TRDMT1: variants seen among roughly 807,000 people sequenced by gnomAD.
TRDMT1 encodes tRNA aspartic acid methyltransferase 1.
A neutral mutation model predicts 51.2 loss-of-function variants in TRDMT1; 49 were observed. The observed-to-expected ratio is 0.96, with a 90% CI of 0.76 to 1.21. The LOEUF (loss-of-function observed/expected upper bound fraction) is 1.21. TRDMT1 is among the 50% of genes most tolerant of loss of function. The probability of loss-of-function intolerance (pLI) is 0.00; values close to 1 mark genes in which losing one functional copy is unlikely to be tolerated. For synonymous variants in TRDMT1, 187 were observed against 164.6 expected (o/e 1.14, Z -1.04); for missense variants, 534 against 462.3 (o/e 1.16, Z -1.42).
intron 1 of TRDMT1, among the ~76,000 whole-genome samples, chr10:17,194,874 A>C (rs2131619450): frequency 7.2e-6 from 1 of 139,156 alleles, no homozygotes; most frequent in South Asian, 2.4e-4. Flanking sequence ...CAGAGGTTGC[A>C]GTGAGCCAAG....
intron 1 of TRDMT1, among the ~76,000 whole-genome samples, chr10:17,194,948 T>TAAAA (rs1845192546): frequency 2.3e-5 from 1 of 43,782 alleles, no homozygotes. Context: ...AAAAAAAAAG[T>TAAAA]CAAAAAAAAA....
In TRDMT1 at chr10:17,137,859, C is replaced by G. The variant is rs368792205; in HGVS notation, c.*11181G>C. ...AAAAGAAAAAAAAAAAAAGGTTGTTCCACTTGTCCAGCAGGGTGACCTTGA... is the reference window on the plus strand; with the variant it reads ...AAAAGAAAAAAAAAAAAAGGTTGTTGCACTTGTCCAGCAGGGTGACCTTGA... On this transcript the variant is annotated 3_prime_UTR_variant, in exon 11 of 11. Transcript: ENST00000377799. 7.3e-5 allele frequency among the ~76,000 whole-genome samples: 11 copies of G among 151,254 alleles called. No individual in the cohort carries two copies. Among genetic ancestry groups the G allele is most frequent in the African/African-American group, 2.7e-4 (11 of 41,036 alleles).
At chr10:17,183,079 G>A (rs1057018887) in intron 1 of TRDMT1, among the ~76,000 whole-genome samples, 8 of 152,068 alleles carry the variant, frequency 5.3e-5, no homozygotes, top group African/African-American at 9.7e-5. Flanking sequence ...GGAAATGTTC[G>A]CTAAGGAAAA....
rs558472497 is a variant in TRDMT1, at chr10:17,176,608, T to A, written c.65-1948A>T. ...ATAAAATTAGGACCTACTGCATAAC[T>A]TAAAAAGTTATTTCTATTAAGAGAA... On this transcript the variant is annotated intron_variant, in intron 1 of 10. Transcript: ENST00000377799. 9.8e-5 allele frequency among the ~76,000 whole-genome samples: 15 copies of A among 152,302 alleles called. No individual in the cohort carries two copies. The East Asian group carries it at 2.9e-3, about 29-fold the overall frequency.
rs976707493 is a variant in TRDMT1 at position 17,148,582 on chromosome 10, A to G, written c.*458T>C. 1.0e-6 allele frequency: 1 copy of G among 976,666 alleles called. No homozygotes were observed. Among genetic ancestry groups the G allele is most frequent in the African/African-American group, 1.7e-5 (1 of 57,170 alleles). The allele number at this position is 976,666 out of a possible 1,614,324, so 60.5% of individuals were successfully genotyped here. A position where few individuals can be genotyped will look rare whatever the true frequency, so the allele number is the denominator to read the frequency against. ...ATGCATTTGTTTAGATGAAATAAAG[A>G]AATATTTACAGGATTGGAAATTAAG... On this transcript the variant is annotated 3_prime_UTR_variant, in exon 11 of 11. Coordinates refer to ENST00000377799, the MANE Select transcript of TRDMT1 (RefSeq NM_004412.7).
intron 2 of TRDMT1, chr10:17,169,524 C>T (rs1340861076): frequency 7.8e-7 from 1 of 1,289,768 alleles, no homozygotes; most frequent in Non-Finnish European, 1.0e-6. Context: ...GAAAACTGTG[C>T]TGTGTTGCTC....
chr10:17,198,266 T>C (rs1172876862), intron 1 of TRDMT1, among the ~76,000 whole-genome samples: 1 of 152,216 alleles, frequency 6.6e-6, no homozygotes, highest in African/African-American at 2.4e-5. Context: ...AGTTACACAG[T>C]ATTATCATAT....
intron 10 of TRDMT1, chr10:17,151,006 CAT>C (rs1838632627): frequency 1.0e-6 from 1 of 981,122 alleles, no homozygotes; most frequent in Admixed American, 6.2e-5. Context: ...TGTGTGTGTG[CAT>C]GTGTGTGTGT....
At chr10:17,157,407 T>C (rs768681292) in intron 8 of TRDMT1, 34 bp downstream of exon 8, 4 of 1,486,296 alleles carry the variant, frequency 2.7e-6, no homozygotes, top group Admixed American at 4.7e-5. Context: ...CCTGGTTATT[T>C]TGGATACAGG....
At chr10:17,159,821 A>C (rs941521895) in intron 6 of TRDMT1, among the ~76,000 whole-genome samples, 1 of 152,192 alleles carries the variant, frequency 6.6e-6, no homozygotes, top group Non-Finnish European at 1.5e-5. Context: ...CAAAATTCAA[A>C]TCTGTCAAAT....
intron 8 of TRDMT1, among the ~76,000 whole-genome samples, chr10:17,155,236 A>C (rs1008612989): frequency 4.6e-5 from 7 of 152,122 alleles, no homozygotes; most frequent in Admixed American, 6.5e-5. Flanking sequence ...ATAAATAATA[A>C]ATGTCTCAGA....
Position 17,159,139 on chromosome 10 carries a change from A to G in TRDMT1, c.543+7T>C, listed in dbSNP as rs778672796. Reference sequence around the variant, plus strand: ...TAATATTCATAATAAAATTCCAATAATAATACCTGACCAGGGGCTTGAAAG... The same window carrying G: ...TAATATTCATAATAAAATTCCAATAGTAATACCTGACCAGGGGCTTGAAAG... On this transcript the variant is annotated splice_region_variant and intron_variant, in intron 7 of 10. Coordinates refer to ENST00000377799, the MANE Select transcript of TRDMT1 (RefSeq NM_004412.7). 2 of 1,557,940 alleles carry G rather than the reference A, an allele frequency of 1.3e-6. No homozygotes were observed. Among genetic ancestry groups the G allele is most frequent in the South Asian group, 1.2e-5 (1 of 81,876 alleles).
At chr10:17,161,649 T>C in intron 4 of TRDMT1, 101 bp from the exon 5 acceptor site, 1 of 685,944 alleles carries the variant, frequency 1.5e-6, no homozygotes, top group East Asian at 3.7e-5. Context: ...AGTAATTTTC[T>C]GAACTCTTTT....
At chr10:17,173,793 G>C (rs188797142) in intron 2 of TRDMT1, among the ~76,000 whole-genome samples, 123 of 61,604 alleles carry the variant, frequency 2.0e-3, no homozygotes, top group Admixed American at 9.2e-3. Context: ...TTTTTTTTTT[G>C]AGACAAAGTC....
chr10:17,192,405 G>C (rs374843860), intron 1 of TRDMT1, among the ~76,000 whole-genome samples: 11 of 152,168 alleles, frequency 7.2e-5, no homozygotes, highest in African/African-American at 2.7e-4. Flanking sequence ...TTACAGAGAA[G>C]CTTATTTCAA....
At chr10:17,160,028 CTT>C (rs975341199) in intron 6 of TRDMT1, among the ~76,000 whole-genome samples, 7 of 152,066 alleles carry the variant, frequency 4.6e-5, no homozygotes, top group African/African-American at 9.7e-5. Context: ...AAATACCAAA[CTT>C]GACGTATTTT....
chr10:17,155,927 A>G (rs1170976307), intron 8 of TRDMT1, among the ~76,000 whole-genome samples: 4 of 152,186 alleles, frequency 2.6e-5, no homozygotes, highest in African/African-American at 7.2e-5. Context: ...TTTTATTACA[A>G]AATTGCTAAG....
Position 17,159,151 on chromosome 10 carries a change from C to T in TRDMT1, c.538G>A (p.Gly180Ser). ...TAAAATTCCAATAATAATACCTGAC[C>T]AGGGGCTTGAAAGGGTAATGGCTCT... The part of the protein sequence containing the change: ...QSEPLPFQAP[G>S]QVLMEFPKIE... The change falls in exon 7 of 11, where the codon GGT becomes AGT. Residue 180 changes from glycine to serine, a missense_variant. Transcript: ENST00000377799. The T allele has an allele frequency of 6.3e-7, 1 of 1,585,866 alleles. No individual in the cohort carries two copies. Among genetic ancestry groups the T allele is most frequent in the Non-Finnish European group, 8.6e-7 (1 of 1,166,878 alleles).
At position 17,147,887 on chromosome 10, in the gene TRDMT1, CATAGCGTTTTCCA is replaced by C; in HGVS notation, c.*1140_*1152del. 1.6e-6 allele frequency: 1 copy of C among 623,392 alleles called. No homozygotes were observed. The highest frequency in any genetic ancestry group is 2.0e-6 in the Non-Finnish European group (1 of 499,524). The allele number at this position is 623,392 out of a possible 1,614,324, so 38.6% of individuals were successfully genotyped here. A position where few individuals can be genotyped will look rare whatever the true frequency, so the allele number is the denominator to read the frequency against. On this transcript the variant is annotated 3_prime_UTR_variant, in exon 11 of 11. Transcript: ENST00000377799. Reference sequence around the variant, plus strand: ...TATGTTGAATTTTGTGACGAACCTCCATAGCGTTTTCCAACAGCAGCTGAACCATTTTACGTTC... The same window carrying C: ...TATGTTGAATTTTGTGACGAACCTCCACAGCAGCTGAACCATTTTACGTTC...
Sources: gnomAD v4.1 joint callset for allele counts (sites outside exome capture counted in the v4.1 genomes callset) on GRCh38, gnomAD v4.1.1 for gene constraint, MANE v1.5 for transcripts, NCBI Gene and HGNC (gene_info 2026-07-23, HGNC 2026-07-21) for gene names.